Variants in SPACA6 observed in about 807,000 individuals in gnomAD.
SPACA6 encodes the protein sperm acrosome membrane-associated protein 6.
For missense variants in SPACA6, 8 were observed against 2.8 expected (o/e 2.88, Z -1.34); for synonymous variants, 6 against 1.5 (o/e 4.05, Z -2.21).
upstream of SPACA6, among the ~76,000 whole-genome samples, chr19:51,690,163 C>T (rs1600129629): frequency 6.6e-6 from 1 of 151,944 alleles, no homozygotes; most frequent in South Asian, 2.1e-4. Flanking sequence ...ACCCCTCCTC[C>T]CTCAGATCTG....
At chr19:51,710,001 C>A (rs777507583), downstream of SPACA6, among the ~76,000 whole-genome samples, 5 of 152,036 alleles carry the variant, frequency 3.3e-5, no homozygotes, top group Non-Finnish European at 5.9e-5. Context: ...CACGTGTGGC[C>A]GTGAAGCATG....
chr19:51,705,103 T>A lies in SPACA6; in HGVS notation c.955T>A (p.Trp319Arg). ...ATVLAWMFFR[W>R]YCSGN The stretch of plus-strand genomic sequence containing the variant: ...TTGTTTCCCCAGGATGTTCTTTCGA[T>A]GGTACTGCAGTGGCAACTAACAAAG... The change falls in exon 9 of 9, where the codon TGG (tryptophan) becomes AGG (arginine). Residue 319 changes from tryptophan to arginine, a missense_variant. Physicochemically the swap from Trp to Arg is moderately radical, Grantham distance 101. Coordinates refer to ENST00000637797, the MANE Select transcript of SPACA6 (RefSeq NM_001316972.2). The A allele has an allele frequency of 5.0e-6, 2 of 401,324 alleles. No homozygotes were observed. Among genetic ancestry groups the A allele is most frequent in the Non-Finnish European group, 8.8e-6 (2 of 226,276 alleles). 24.9% of individuals were successfully genotyped at this position (401,324 alleles called of 1,614,324 possible).
chr19:51,684,851 T>C (rs2122169808), upstream of SPACA6, among the ~76,000 whole-genome samples: 1 of 152,322 alleles, frequency 6.6e-6, no homozygotes, highest in East Asian at 1.9e-4. Context: ...GATCATCTCG[T>C]GATTTTAGGC....
chr19:51,711,670 A>C (rs983438734), intron 2 of SPACA6, among the ~76,000 whole-genome samples: 2 of 152,210 alleles, frequency 1.3e-5, no homozygotes, highest in African/African-American at 4.8e-5. Flanking sequence ...ACATAAACAC[A>C]ATGCAATATA....
At chr19:51,704,999 A>T in intron 8 of SPACA6, 91 bp from the exon 9 acceptor site, 1 of 349,882 alleles carries the variant, frequency 2.9e-6, no homozygotes, top group Non-Finnish European at 4.8e-6. Context: ...CGGGCCCTGT[A>T]CACCTTTTTG....
chr19:51,694,862 A>G (rs2083414842), intron 2 of SPACA6, among the ~76,000 whole-genome samples: 3 of 152,066 alleles, frequency 2.0e-5, no homozygotes, highest in Non-Finnish European at 4.4e-5. Flanking sequence ...CTTACTGGCT[A>G]TGAAGTTCTG....
downstream of SPACA6, among the ~76,000 whole-genome samples, chr19:51,710,217 T>C (rs371650875): frequency 1.7e-4 from 26 of 152,274 alleles, no homozygotes; most frequent in South Asian, 5.0e-3. Context: ...CTCTTAACTC[T>C]TTGTTTACTT....
chr19:51,692,613 G>A, upstream of SPACA6: 1 of 529,254 alleles, frequency 1.9e-6, no homozygotes, highest in Non-Finnish European at 3.9e-6. The surrounding 1 kb of genome is among the most constrained non-coding windows in gnomAD (Gnocchi z 5.6). Flanking sequence ...CTGGGTCCTG[G>A]CACCCACCCG....
intron 2 of SPACA6, among the ~76,000 whole-genome samples, chr19:51,700,121 G>A (rs535074713): frequency 6.6e-6 from 1 of 152,322 alleles, no homozygotes; most frequent in African/African-American, 2.4e-5. Flanking sequence ...GAGCATGGTG[G>A]TGGGTGCCTG....
intron 2 of SPACA6, among the ~76,000 whole-genome samples, chr19:51,711,009 C>T (rs757192835): frequency 2.0e-5 from 3 of 151,950 alleles, no homozygotes; most frequent in South Asian, 2.1e-4. Context: ...GAACCTGGGA[C>T]GCAGAGGTTG....
downstream of SPACA6, among the ~76,000 whole-genome samples, chr19:51,707,231 T>G (rs1228811396): frequency 2.0e-5 from 1 of 49,502 alleles, no homozygotes; most frequent in East Asian, 6.2e-4. Context: ...TCTCTCTCCC[T>G]TTTTTTTTTT....
intron 8 of SPACA6, 173 bp downstream of exon 8, chr19:51,704,653 G>A (rs910160968): frequency 1.0e-5 from 4 of 398,570 alleles, no homozygotes; most frequent in East Asian, 3.6e-5. Context: ...AGGAATCCAA[G>A]TCCCCAGCCC....
At chr19:51,705,479 C>T (rs1038412318), downstream of SPACA6, 3 of 197,350 alleles carry the variant, frequency 1.5e-5, no homozygotes, top group African/African-American at 6.9e-5. Context: ...CCTAGCAGTT[C>T]AAACCAGAAA....
chr19:51,711,614 A>G (rs1449498969), intron 2 of SPACA6, among the ~76,000 whole-genome samples: 3 of 152,236 alleles, frequency 2.0e-5, no homozygotes, highest in Non-Finnish European at 2.9e-5. Flanking sequence ...CATCATTCAT[A>G]CAGCCAAGAG....
downstream of SPACA6, among the ~76,000 whole-genome samples, chr19:51,708,493 G>A (rs2083526769): frequency 6.6e-6 from 1 of 152,212 alleles, no homozygotes; most frequent in Non-Finnish European, 1.5e-5. Flanking sequence ...AAAACTTGAA[G>A]GGGATGACGG....
chr19:51,706,012 A>C (rs2122231833), downstream of SPACA6, among the ~76,000 whole-genome samples: 1 of 152,174 alleles, frequency 6.6e-6, no homozygotes, highest in South Asian at 2.1e-4. Flanking sequence ...TTAGGTTTTA[A>C]AGTGTGTCAG....
In SPACA6 at chr19:51,710,608, G is replaced by T. The variant is rs753347674; in HGVS notation, n.200-1425G>T. Reference sequence around the variant, plus strand: ...ATATACAAGCCTGGAATTTAAGGGCGAAGTCTGGTCTGAAGATCTGTTTGG... The same window carrying T: ...ATATACAAGCCTGGAATTTAAGGGCTAAGTCTGGTCTGAAGATCTGTTTGG... On this transcript the variant is annotated intron_variant and non_coding_transcript_variant, in intron 2 of 2. Transcript: ENST00000573896. Among the ~76,000 whole-genome samples, 4 of 152,200 alleles carry T rather than the reference G, an allele frequency of 2.6e-5. No homozygotes were observed. In the South Asian group the frequency reaches 8.3e-4, roughly 31 times the overall value.
chr19:51,698,197 A>G (rs2083443868), intron 2 of SPACA6, among the ~76,000 whole-genome samples: 1 of 152,152 alleles, frequency 6.6e-6, no homozygotes, highest in Non-Finnish European at 1.5e-5. Flanking sequence ...CTTGTGATTG[A>G]TACTCAGATC....
At chr19:51,698,022 G>A (rs1035426621) in intron 2 of SPACA6, among the ~76,000 whole-genome samples, 3 of 152,102 alleles carry the variant, frequency 2.0e-5, no homozygotes, top group Non-Finnish European at 2.9e-5. Context: ...ATCATTAAAC[G>A]ATGCCATGGA....
Sources: gnomAD v4.1 joint callset for allele counts (sites outside exome capture counted in the v4.1 genomes callset) on GRCh38, gnomAD v4.1.1 for gene constraint, Gnocchi (gnomAD v3.1) non-coding constraint, MANE v1.5 for transcripts, NCBI Gene and HGNC (gene_info 2026-07-23, HGNC 2026-07-21) for gene names.